POLG: variants seen among roughly 807,000 people sequenced by gnomAD.
The protein encoded by POLG is DNA polymerase gamma, catalytic subunit, also known as DNA polymerase subunit gamma-1.
POLG carries 110 observed loss-of-function variants against 155.4 expected under a neutral mutation model. The observed-to-expected ratio is 0.71, with a 90% CI of 0.61 to 0.83. The LOEUF is 0.83. Among genes scored for constraint, POLG ranks in the 40% least tolerant of loss-of-function variants. POLG has a pLI of 0.00. For synonymous variants in POLG, 701 were observed against 631.5 expected, an observed-to-expected ratio of 1.11 and a Z score of -1.65; for missense variants, 1,685 against 1,627.5, an observed-to-expected ratio of 1.04 and a Z score of -0.61.
chr15:89,320,248 C>T (rs1005863894), intron 18 of POLG, among the ~76,000 whole-genome samples: 1 of 152,182 alleles, frequency 6.6e-6, no homozygotes, highest in Non-Finnish European at 1.5e-5. Context: ...GTTTTTGGAA[C>T]CCTGCAGAGA....
intron 6 of POLG, among the ~76,000 whole-genome samples, chr15:89,327,935 TACTTTAAG>T (rs1245223872): frequency 6.6e-6 from 1 of 152,296 alleles, no homozygotes; most frequent in East Asian, 1.9e-4. Flanking sequence ...TTATCTAGCT[TACTTTAAG>T]AATACAGTAT....
At chr15:89,324,037 G>C (rs1299676039) in intron 11 of POLG, 70 bp downstream of exon 11, 11 of 1,605,064 alleles carry the variant, frequency 6.9e-6, no homozygotes, top group Non-Finnish European at 9.4e-6. Flanking sequence ...CCACCCAAAG[G>C]CTGCCCCTTC....
Position 89,327,362 on chromosome 15 carries a change from C to T in POLG, c.1251-13G>A. 1 of 1,611,406 alleles carries T rather than the reference C, an allele frequency of 6.2e-7. No homozygotes were observed. The highest frequency in any genetic ancestry group is 8.5e-7 in the Non-Finnish European group (1 of 1,179,754). On this transcript the variant is annotated splice_polypyrimidine_tract_variant and intron_variant, in intron 6 of 22. Coordinates refer to ENST00000268124, the MANE Select transcript of POLG (RefSeq NM_002693.3). ...TGGGTGGGGACACCTTGGAGGCAAA[C>T]ACCAGGAGCTGCCATAAATGACCAC... is the stretch of plus-strand genomic sequence containing the variant.
chr15:89,319,454 G>A (rs1421226808), intron 18 of POLG, 104 bp from the exon 19 acceptor site: 6 of 1,472,008 alleles, frequency 4.1e-6, no homozygotes, highest in South Asian at 1.2e-5. Context: ...TAAAAACACT[G>A]ACATCATGCC....
chr15:89,331,128 T>C (rs1449803482), intron 2 of POLG, among the ~76,000 whole-genome samples: 1 of 133,796 alleles, frequency 7.5e-6, no homozygotes, highest in East Asian at 2.0e-4. Flanking sequence ...AGGAGCTCCT[T>C]GCAACCTTTA....
chr15:89,334,557 G>A (rs981238450), intron 1 of POLG, 116 bp downstream of exon 1: 1 of 152,112 alleles, frequency 6.6e-6, no homozygotes, highest in South Asian at 2.1e-4. Context: ...GAGGCGCCGC[G>A]GTGCGCCCTG....
intron 11 of POLG, 102 bp downstream of exon 11, chr15:89,324,005 G>A (rs2055435966): frequency 1.9e-6 from 3 of 1,571,522 alleles, no homozygotes; most frequent in Non-Finnish European, 2.6e-6. Context: ...CCAGTCTGGG[G>A]TGAGCCACCA....
chr15:89,331,070 C>A (rs182768278), intron 2 of POLG, among the ~76,000 whole-genome samples: 1 of 152,304 alleles, frequency 6.6e-6, no homozygotes, highest in African/African-American at 2.4e-5. Context: ...AAGGCCCACT[C>A]AGCATCAAAG....
chr15:89,327,115 C>T (rs759805263), intron 7 of POLG, 52 bp from the exon 8 acceptor site: 28 of 1,613,888 alleles, frequency 1.7e-5, no homozygotes, highest in South Asian at 1.2e-4. Flanking sequence ...AAGGCTAGGC[C>T]GCCCACCTGC....
chr15:89,323,055 GCACGCACA>G lies in POLG; in HGVS notation c.2266-161_2266-154del, dbSNP rs914770704. Among the ~76,000 whole-genome samples the G allele has an allele frequency of 1.6e-3, 242 of 149,132 alleles. 1 individual carries two copies. The highest frequency in any genetic ancestry group is 6.1e-3 in the African/African-American group (238 of 38,972). Reference sequence around the variant, plus strand: ...TTGTATCACGCACGCGCGCACGCGCGCACGCACACACACACGTGCACACACATGCCCCC... The same window carrying G: ...TTGTATCACGCACGCGCGCACGCGCGCACACACGTGCACACACATGCCCCC... On this transcript the variant is annotated intron_variant, in intron 13 of 22. Coordinates refer to ENST00000268124, the MANE Select transcript of POLG (RefSeq NM_002693.3).
At chr15:89,323,315 A>G (rs1270301019) in intron 13 of POLG, 89 bp downstream of exon 13, 9 of 795,942 alleles carry the variant, frequency 1.1e-5, no homozygotes, top group Non-Finnish European at 2.0e-5. Context: ...ACAAAAAGGA[A>G]AGTCTCAGGT....
In POLG at chr15:89,319,053, C is replaced by A. The variant is rs121918049; in HGVS notation, c.3151G>T (p.Gly1051Trp). The A allele has an allele frequency of 2.5e-5, 41 of 1,614,032 alleles. No individual in the cohort carries two copies. The highest frequency in any genetic ancestry group is 8.8e-5 in the South Asian group (8 of 91,088). Residue 1051 changes from glycine to tryptophan, a missense_variant, in exon 20 of 23, where the codon GGG becomes TGG. By Grantham distance (184) the Gly-to-Trp change is radical. Transcript: ENST00000268124. ...WEVVAERAWK[G>W]GTESEMFNKL... ...TTGAACATTTCTGACTCTGTGCCCC[C>A]CTTCCATGCCCGTTCAGCAACCACC...
chr15:89,334,055 T>A, intron 1 of POLG, 142 bp from the exon 2 acceptor site: 1 of 473,942 alleles, frequency 2.1e-6, no homozygotes. Flanking sequence ...CCTCAAAACT[T>A]GGGAAACGTC....
intron 21 of POLG, chr15:89,317,809 T>C: frequency 2.1e-6 from 1 of 475,334 alleles, no homozygotes; most frequent in Non-Finnish European, 3.9e-6. Flanking sequence ...ATATACGAAA[T>C]CACTTCCAAT....
chr15:89,317,719 T>TCCCA (rs2055320199), intron 21 of POLG, 183 bp from the exon 22 acceptor site: 1 of 636,816 alleles, frequency 1.6e-6, no homozygotes, highest in African/African-American at 1.8e-5. Context: ...CAGCCTAACC[T>TCCCA]CCCACTGAGA....
At position 89,333,684 on chromosome 15, in the gene POLG, C is replaced by T. The variant is rs773375256; in HGVS notation, c.71G>A (p.Arg24His). The T allele has an allele frequency of 3.2e-6, 5 of 1,546,026 alleles. No individual in the cohort carries two copies. The highest frequency in any genetic ancestry group is 4.3e-6 in the Non-Finnish European group (5 of 1,151,402). ...VGPGPVPAPG[R>H]WVSSSVPASD... ...CGCGGGGACGGAGCTGGAGACCCAG[C>T]GCCCCGGAGCTGGAACCGGCCCTGG... is the stretch of plus-strand genomic sequence containing the variant. The change falls in exon 2 of 23, where the codon CGC (arginine) becomes CAC (histidine). Residue 24 changes from arginine (R) to histidine (H), a missense_variant. Arg to His is a conservative substitution (Grantham distance 29). Transcript: ENST00000268124.
At chr15:89,323,180 C>T (rs935471053) in intron 13 of POLG, among the ~76,000 whole-genome samples, 2 of 152,232 alleles carry the variant, frequency 1.3e-5, no homozygotes, top group African/African-American at 4.8e-5. Context: ...AAACATACGA[C>T]GTGCCCCATG....
chr15:89,326,954 T>C lies in POLG; in HGVS notation c.1543A>G (p.Ile515Val), dbSNP rs748919988. ...TCACCAGGGGCCCCAGCCCCCTCGA[T>C]GGGCAACTTGCTGGCTGTGGCTGGT... ...KEPATASKLP[I>V]EGAGAPGDPM... The change falls in exon 8 of 23, where the codon ATC (isoleucine) becomes GTC (valine). Residue 515 changes from isoleucine to valine, a missense_variant. By Grantham distance (29) the Ile-to-Val change is conservative. Around this residue, in one of 3 missense-constraint regions of POLG, gnomAD observed 1,210 missense variants for 1,167.1 expected, o/e 1.04. Transcript: ENST00000268124. 2.0e-5 allele frequency: 32 copies of C among 1,614,102 alleles called. No individual in the cohort carries two copies. The highest frequency in any genetic ancestry group is 2.6e-5 in the Non-Finnish European group (31 of 1,180,046).
chr15:89,332,418 A>G (rs2055605098), intron 2 of POLG: 1 of 152,228 alleles, frequency 6.6e-6, no homozygotes, highest in African/African-American at 2.4e-5. Flanking sequence ...TACTGCCATC[A>G]TTGTTTGAAA....
Sources: gnomAD v4.1 joint callset for allele counts (sites outside exome capture counted in the v4.1 genomes callset) on GRCh38, gnomAD v4.1.1 for gene constraint, gnomAD v4.1.1 regional missense constraint, MANE v1.5 for transcripts, NCBI Gene and HGNC (gene_info 2026-07-23, HGNC 2026-07-21) for gene names.